The following PDILT variants were observed in gnomAD, a reference collection of about 807,000 sequenced individuals.
PDILT encodes protein disulfide isomerase like, testis expressed, also known as protein disulfide-isomerase-like protein of the testis.
A neutral mutation model predicts 53.7 loss-of-function variants in PDILT; 43 were observed. That is an observed-to-expected ratio of 0.80 (90% confidence interval 0.63 to 1.03). The LOEUF is 1.03. PDILT is among the 50% of genes least tolerant of loss of function. The pLI is 0.00. For missense variants in PDILT, 727 were observed against 712.3 expected, an observed-to-expected ratio of 1.02 and a Z score of -0.24; for synonymous variants, 282 against 274.2, an observed-to-expected ratio of 1.03 and a Z score of -0.28.
rs55815809 is a variant in PDILT, at chr16:20,400,072, A to ATT, written c.-7-767_-7-766dup. 2.6e-4 allele frequency among the ~76,000 whole-genome samples: 36 copies of ATT among 137,480 alleles called. 1 individual carries two copies. The highest frequency in any genetic ancestry group is 1.4e-3 in the East Asian group (6 of 4,414). 90.2% of individuals were successfully genotyped at this position (137,480 alleles called of 152,430 possible). Reference sequence around the variant, plus strand: ...TATCTATCTATATATATATATATATATTTTTTGAGACGGAGTTTTGCTCTT... The same window carrying ATT: ...TATCTATCTATATATATATATATATATTTTTTTTGAGACGGAGTTTTGCTCTT... On this transcript the variant is annotated intron_variant, in intron 1 of 11. Coordinates refer to ENST00000302451, the MANE Select transcript of PDILT (RefSeq NM_174924.2).
intron 1 of PDILT, among the ~76,000 whole-genome samples, chr16:20,403,401 T>C (rs1295813056): frequency 2.0e-5 from 3 of 152,194 alleles, no homozygotes; most frequent in African/African-American, 4.8e-5. Context: ...GCGATTCTCC[T>C]GCTTCAACCT....
intron 8 of PDILT, among the ~76,000 whole-genome samples, chr16:20,367,083 CTTTCTTTCTTTCTTTCT>C (rs1247701961): frequency 1.0e-3 from 116 of 115,744 alleles, no homozygotes; most frequent in African/African-American, 4.0e-3. Flanking sequence ...TTCTTTCTTT[CTTTCTTTCTTTCTTTCT>C]TTCTTCCTTT....
At chr16:20,378,023 G>A (rs895560123) in intron 3 of PDILT, among the ~76,000 whole-genome samples, 2 of 152,012 alleles carry the variant, frequency 1.3e-5, no homozygotes, top group African/African-American at 2.4e-5. Context: ...TAAGGAGAGG[G>A]AAAGTCTTCT....
rs1480103667 is a variant in PDILT at position 20,367,090 on chromosome 16, TCTTTCTTTCTTTCTTC to T, written c.1117-1566_1117-1551del. On this transcript the variant is annotated intron_variant, in intron 8 of 11. Coordinates refer to ENST00000302451, the MANE Select transcript of PDILT (RefSeq NM_174924.2). Reference sequence around the variant, plus strand: ...TTCTTTCTTTCTTTCTTTCTTTCTTTCTTTCTTTCTTTCTTCCTTTCTTTCCTTTTGAGACAGAGTC... The same window carrying T: ...TTCTTTCTTTCTTTCTTTCTTTCTTTCTTTCTTTCCTTTTGAGACAGAGTC... Among the ~76,000 whole-genome samples, 42 of 91,542 alleles carry T rather than the reference TCTTTCTTTCTTTCTTC, an allele frequency of 4.6e-4. 1 individual carries two copies. Among genetic ancestry groups the T allele is most frequent in the African/African-American group, 1.9e-3 (38 of 20,044 alleles). 60.1% of individuals were successfully genotyped at this position (91,542 alleles called of 152,430 possible).
intron 2 of PDILT, among the ~76,000 whole-genome samples, chr16:20,386,360 G>C (rs572347151): frequency 6.6e-6 from 1 of 152,222 alleles, no homozygotes; most frequent in African/African-American, 2.4e-5. Context: ...CAGGGCAGGG[G>C]GTCATTGATT....
Position 20,399,144 on chromosome 16 carries a change from G to T in PDILT, c.157C>A (p.Leu53Met), listed in dbSNP as rs1567332935. 2 of 1,614,182 alleles carry T rather than the reference G, an allele frequency of 1.2e-6. No homozygotes were observed. Among genetic ancestry groups the T allele is most frequent in the East Asian group, 4.5e-5 (2 of 44,876 alleles). Residue 53 changes from leucine to methionine, a missense_variant, in exon 2 of 12, where the codon CTG becomes ATG. Transcript: ENST00000302451. ...RSLLVLTPAG[L>M]TQMLNQTRFL... ...CGGGTCTGGTTCAGCATCTGGGTCA[G>T]GCCAGCGGGCGTTAGCACTAGGAGA...
At chr16:20,394,922 T>G (rs1032517705) in intron 2 of PDILT, among the ~76,000 whole-genome samples, 10 of 152,220 alleles carry the variant, frequency 6.6e-5, no homozygotes, top group African/African-American at 2.4e-4. Context: ...ATATGGACCC[T>G]TATGAACCTA....
chr16:20,394,576 T>G (rs187171445), intron 2 of PDILT, among the ~76,000 whole-genome samples: 1 of 152,360 alleles, frequency 6.6e-6, no homozygotes. Flanking sequence ...CTTTAATGTA[T>G]GTGAATCACT....
intron 2 of PDILT, among the ~76,000 whole-genome samples, chr16:20,388,133 T>C (rs1966563892): frequency 6.6e-6 from 1 of 152,104 alleles, no homozygotes; most frequent in South Asian, 2.1e-4. Context: ...GACATAGGAT[T>C]ATGTAGGATC....
At chr16:20,391,004 C>G (rs1966600389) in intron 2 of PDILT, 1 of 151,686 alleles carries the variant, frequency 6.6e-6, no homozygotes, top group Non-Finnish European at 1.5e-5. Flanking sequence ...ACTGTCATCA[C>G]CATCACCATA....
chr16:20,404,027 T>C (rs76176496), intron 1 of PDILT, among the ~76,000 whole-genome samples: 1,998 of 152,336 alleles, frequency 0.013, 43 homozygotes, highest in African/African-American at 0.046. Flanking sequence ...ATATTTTGTA[T>C]TATTATTTAT....
chr16:20,372,868 T>C lies in PDILT; in HGVS notation c.852A>G (p.Lys284=), dbSNP rs1966326680. ...TTATGATACCATATGACTCGGAGCT[T>C]TTGGAGACAAACAGCAGCATGTGAC... is the stretch of plus-strand genomic sequence containing the variant. ...IMSHMLLFVS[K]SSESYGIIIQ... is the part of the protein sequence containing the mutation. Residue 284 remains lysine (K), a synonymous_variant, in exon 7 of 12, where the codon AAA becomes AAG. Transcript: ENST00000302451. 1 of 1,613,964 alleles carries C rather than the reference T, an allele frequency of 6.2e-7. No individual in the cohort carries two copies. The highest frequency in any genetic ancestry group is 8.5e-7 in the Non-Finnish European group (1 of 1,179,940).
At chr16:20,374,428 T>G (rs1173619645) in intron 5 of PDILT, among the ~76,000 whole-genome samples, 2 of 151,998 alleles carry the variant, frequency 1.3e-5, no homozygotes, top group African/African-American at 4.8e-5. Context: ...AGATTATGAC[T>G]TTGGGCTTAG....
At chr16:20,396,140 A>T (rs916164606) in intron 2 of PDILT, among the ~76,000 whole-genome samples, 1 of 152,366 alleles carries the variant, frequency 6.6e-6, no homozygotes, top group East Asian at 1.9e-4. Flanking sequence ...AGCAACTTCC[A>T]CATGTCAGGT....
Position 20,372,848 on chromosome 16 carries a change from A to G in PDILT, c.872T>C (p.Ile291Thr). 6.2e-7 allele frequency: 1 copy of G among 1,614,074 alleles called. No individual in the cohort carries two copies. Among genetic ancestry groups the G allele is most frequent in the Non-Finnish European group, 8.5e-7 (1 of 1,179,956 alleles). The stretch of plus-strand genomic sequence containing the variant: ...TGCCAGCTTATAATGCTGAATTATG[A>G]TACCATATGACTCGGAGCTTTTGGA... ...FVSKSSESYG[I>T]IIQHYKLASK... The change falls in exon 7 of 12, where the codon ATC (isoleucine) becomes ACC (threonine). Residue 291 changes from isoleucine to threonine, a missense_variant. Physicochemically the swap from Ile to Thr is moderately conservative, Grantham distance 89. Coordinates refer to ENST00000302451, the MANE Select transcript of PDILT (RefSeq NM_174924.2).
intron 2 of PDILT, among the ~76,000 whole-genome samples, chr16:20,397,676 G>A (rs577898047): frequency 1.8e-4 from 28 of 152,208 alleles, no homozygotes; most frequent in South Asian, 4.1e-4. Context: ...AAGGGAGAAA[G>A]GGCTGTCTCA....
At position 20,362,541 on chromosome 16, in the gene PDILT, A is replaced by T; in HGVS notation, c.1279T>A (p.Leu427Met). Residue 427 changes from leucine to methionine, a missense_variant, in exon 10 of 12, where the codon TTG (leucine) becomes ATG (methionine). Physicochemically the swap from Leu to Met is conservative, Grantham distance 15 (BLOSUM62 2). Coordinates refer to ENST00000302451, the MANE Select transcript of PDILT (RefSeq NM_174924.2). ...TGATATTTTCTGCCCAATTCCTCCAACAGTGGGAACAGCATCTTGCACTTT... is the reference window on the plus strand; with the variant it reads ...TGATATTTTCTGCCCAATTCCTCCATCAGTGGGAACAGCATCTTGCACTTT... Reference protein sequence around the residue: ...SKKCKMLFPLLEELGRKYQNH... With the variant: ...SKKCKMLFPLMEELGRKYQNH... 6.2e-7 allele frequency: 1 copy of T among 1,614,132 alleles called. No homozygotes were observed. The highest frequency in any genetic ancestry group is 1.3e-5 in the African/African-American group (1 of 75,028).
chr16:20,394,053 A>G (rs1467930646), intron 2 of PDILT, among the ~76,000 whole-genome samples: 1 of 152,106 alleles, frequency 6.6e-6, no homozygotes, highest in African/African-American at 2.4e-5. Flanking sequence ...AAGAACTGTG[A>G]AAAAGGAGCC....
chr16:20,376,981 T>C (rs1379935297), intron 3 of PDILT, among the ~76,000 whole-genome samples: 2 of 152,242 alleles, frequency 1.3e-5, no homozygotes, highest in African/African-American at 2.4e-5. Context: ...ACATTAAAAC[T>C]GAACATTTTA....
Sources: allele counts gnomAD v4.1 joint callset (sites outside exome capture counted in the v4.1 genomes callset), GRCh38; gene constraint gnomAD v4.1.1; transcripts MANE v1.5; gene names NCBI Gene and HGNC (gene_info 2026-07-23, HGNC 2026-07-21).